NLRC3: variants seen among roughly 807,000 people sequenced by gnomAD.
NLRC3 encodes the protein NLR family CARD domain containing 3.
In NLRC3, 87 loss-of-function variants were observed where a neutral mutation model predicts 91.6. The ratio of observed to expected loss-of-function variants is 0.95; its 90% confidence interval spans 0.80 to 1.14. The LOEUF is 1.14. NLRC3 is among the 50% of genes most tolerant of loss of function. The pLI is 0.00. For synonymous variants in NLRC3, 694 were observed against 625.3 expected (o/e 1.11, Z -1.64); for missense variants, 1,577 against 1,418.6 (o/e 1.11, Z -1.79).
Position 3,564,387 on chromosome 16 carries a change from T to C in NLRC3, c.550A>G (p.Thr184Ala), listed in dbSNP as rs765830253. Residue 184 changes from threonine (T) to alanine (A), a missense_variant, in exon 5 of 20, where the codon ACC becomes GCC. Coordinates refer to ENST00000359128, the MANE Select transcript of NLRC3 (RefSeq NM_178844.4). The surrounding 1 kb of genome is among the most constrained non-coding windows in gnomAD (Gnocchi z 5.9). ...VLPLTFRDLN[T>A]HEKLCADRLI... is the part of the protein sequence containing the mutation. ...CGGTCGGCACACAGCTTCTCGTGGGTGTTGAGATCCCGGAAGGTCAGAGGC... is the reference window on the plus strand; with the variant it reads ...CGGTCGGCACACAGCTTCTCGTGGGCGTTGAGATCCCGGAAGGTCAGAGGC... 6.2e-7 allele frequency: 1 copy of C among 1,612,244 alleles called. No individual in the cohort carries two copies. The highest frequency in any genetic ancestry group is 1.3e-5 in the African/African-American group (1 of 74,856).
Position 3,577,113 on chromosome 16 carries a change from C to T in NLRC3, c.-169+36G>A, listed in dbSNP as rs1166449146. ...TCCTGCCAGCATCCCTTCTCCCTCC[C>T]CTGCCCTGCACTGAGGTCACCTGGA... On this transcript the variant is annotated intron_variant, in intron 1 of 19. Coordinates refer to ENST00000359128, the MANE Select transcript of NLRC3 (RefSeq NM_178844.4). The T allele has an allele frequency of 8.5e-6, 6 of 703,110 alleles. No individual in the cohort carries two copies. The East Asian group carries it at 1.6e-4, about 19-fold the overall frequency. 43.6% of individuals were successfully genotyped at this position (703,110 alleles called of 1,614,324 possible).
In NLRC3 at chr16:3,541,759, G is replaced by A. The variant is rs2038404973; in HGVS notation, c.*66C>T. 9.2e-7 allele frequency: 1 copy of A among 1,083,952 alleles called. No homozygotes were observed. Among genetic ancestry groups the A allele is most frequent in the Non-Finnish European group, 1.4e-6 (1 of 717,748 alleles). The allele number at this position is 1,083,952 out of a possible 1,614,324, so 67.1% of individuals were successfully genotyped here. Reference sequence around the variant, plus strand: ...CAGCTCCCAGACAGGCCCCCCAGAAGTCGGCCTTTCTGTTCAAAAGCTTCC... The same window carrying A: ...CAGCTCCCAGACAGGCCCCCCAGAAATCGGCCTTTCTGTTCAAAAGCTTCC... On this transcript the variant is annotated 3_prime_UTR_variant, in exon 20 of 20. Coordinates refer to ENST00000359128, the MANE Select transcript of NLRC3 (RefSeq NM_178844.4).
At chr16:3,566,848 G>T (rs951604487) in intron 2 of NLRC3, among the ~76,000 whole-genome samples, 1 of 152,158 alleles carries the variant, frequency 6.6e-6, no homozygotes, top group Admixed American at 6.6e-5. Flanking sequence ...CTGAGATTGC[G>T]CCACTGCACT....
At chr16:3,552,058 C>G (rs2039043964) in intron 10 of NLRC3, 138 bp downstream of exon 10, 2 of 625,148 alleles carry the variant, frequency 3.2e-6, no homozygotes, top group Non-Finnish European at 5.8e-6. Flanking sequence ...GTCACCCATC[C>G]ATCCATCCAC....
chr16:3,552,991 C>T (rs1181449061), intron 9 of NLRC3, among the ~76,000 whole-genome samples: 1 of 152,154 alleles, frequency 6.6e-6, no homozygotes, highest in African/African-American at 2.4e-5. Context: ...TTAGGTTCCT[C>T]TTCTGAAAAA....
chr16:3,564,553 G>A lies in NLRC3; in HGVS notation c.384C>T (p.Phe128=), dbSNP rs1238829951. 5.0e-5 allele frequency: 81 copies of A among 1,611,860 alleles called. No homozygotes were observed. The highest frequency in any genetic ancestry group is 6.4e-5 in the Non-Finnish European group (76 of 1,179,640). The change falls in exon 5 of 20, where the codon TTC becomes TTT. Residue 128 remains phenylalanine, a synonymous_variant. Transcript: ENST00000359128. This position sits in a 1 kb window ranked among gnomAD's most constrained non-coding sequence, Gnocchi z 5.9. ...PARTVALDRL[F]LPLSRVSVPP... ...GGACAGACACCCGGGAGAGAGGCAG[G>A]AAGAGCCGGTCCAGGGCGACGGTCC...
Position 3,564,890 on chromosome 16 carries a change from T to G in NLRC3, c.147A>C (p.Thr49=). The G allele has an allele frequency of 6.2e-7, 1 of 1,609,292 alleles. No individual in the cohort carries two copies. The highest frequency in any genetic ancestry group is 8.5e-7 in the Non-Finnish European group (1 of 1,179,220). Residue 49 remains threonine, a synonymous_variant, in exon 4 of 20, where the codon ACA becomes ACC. Transcript: ENST00000359128. The surrounding 1 kb of genome is among the most constrained non-coding windows in gnomAD (Gnocchi z 5.9). Reference sequence around the variant, plus strand: ...TGCAGGGCCCCAGCGGGGCATCCGGTGTCCTATCCAGGGCCTGCGGGGCCT... The same window carrying G: ...TGCAGGGCCCCAGCGGGGCATCCGGGGTCCTATCCAGGGCCTGCGGGGCCT... ...GSQAPQALDR[T]PDAPLGPCSN... is the part of the protein sequence containing the mutation.
chr16:3,570,116 T>C (rs548566801), intron 1 of NLRC3, among the ~76,000 whole-genome samples: 6 of 152,212 alleles, frequency 3.9e-5, no homozygotes, highest in Middle Eastern at 3.4e-3. Context: ...AATTCCTCAC[T>C]GACACCAGTG....
intron 7 of NLRC3, 58 bp downstream of exon 7, chr16:3,557,535 G>A (rs1425127085): frequency 1.9e-6 from 2 of 1,044,030 alleles, no homozygotes; most frequent in East Asian, 2.4e-5. Flanking sequence ...TTCACAAGAT[G>A]CCTCACAACT....
In NLRC3 at chr16:3,541,884, C is replaced by T. The variant is rs1567454407; in HGVS notation, c.3139G>A (p.Ala1047Thr). 1 of 1,611,622 alleles carries T rather than the reference C, an allele frequency of 6.2e-7. No homozygotes were observed. Among genetic ancestry groups the T allele is most frequent in the Non-Finnish European group, 8.5e-7 (1 of 1,178,398 alleles). Residue 1047 changes from alanine to threonine, a missense_variant, in exon 20 of 20, where the codon GCC becomes ACC. Transcript: ENST00000359128. ...LQGNHIGDSG[A>T]RMISEAIKTN... ...TTGATGGCCTCTGAGATCATCCTGG[C>T]CCCGGAGTCCCCAATGTGGTTTCCC... is the stretch of plus-strand genomic sequence containing the variant.
chr16:3,546,772 C>A (rs2038714250), intron 15 of NLRC3, among the ~76,000 whole-genome samples: 1 of 152,048 alleles, frequency 6.6e-6, no homozygotes, highest in Non-Finnish European at 1.5e-5. Flanking sequence ...AGGGCTGGGA[C>A]ACGGACGTGG....
chr16:3,571,228 A>G (rs758306748), intron 1 of NLRC3, among the ~76,000 whole-genome samples: 2 of 152,206 alleles, frequency 1.3e-5, no homozygotes, highest in South Asian at 4.1e-4. Flanking sequence ...TTTCAGGTCA[A>G]TTAAGGAGTT....
intron 8 of NLRC3, among the ~76,000 whole-genome samples, chr16:3,554,842 C>T (rs181351829): frequency 1.4e-4 from 21 of 152,258 alleles, no homozygotes; most frequent in Admixed American, 9.2e-4. Flanking sequence ...ATTCATATAA[C>T]CAAAAGGTGG....
At chr16:3,552,132 T>C in intron 10 of NLRC3, 64 bp downstream of exon 10, 1 of 960,310 alleles carries the variant, frequency 1.0e-6, no homozygotes, top group South Asian at 1.3e-5. Flanking sequence ...CACAAATATT[T>C]GTGCTGGGTT....
chr16:3,544,185 C>G, intron 16 of NLRC3, 61 bp downstream of exon 16: 1 of 915,426 alleles, frequency 1.1e-6, no homozygotes, highest in Non-Finnish European at 1.8e-6. Context: ...AAAAAGACCT[C>G]TAACGTGAAA....
intron 11 of NLRC3, 37 bp downstream of exon 11, chr16:3,550,377 A>C (rs748319445): frequency 1.4e-6 from 2 of 1,414,858 alleles, no homozygotes; most frequent in Non-Finnish European, 2.0e-6. Context: ...TGGAAAGAGA[A>C]CCCAGGGGGA....
intron 5 of NLRC3, chr16:3,562,803 A>G (rs2039668610): frequency 3.0e-6 from 2 of 677,874 alleles, no homozygotes; most frequent in Admixed American, 2.1e-5. Flanking sequence ...CAGAGAGCGC[A>G]TGGCCCTCCT....
At position 3,564,231 on chromosome 16, in the gene NLRC3, A is replaced by G; in HGVS notation, c.706T>C (p.Cys236Arg). The change falls in exon 5 of 20, where the codon TGC becomes CGC. Residue 236 changes from cysteine (C) to arginine (R), a missense_variant. Coordinates refer to ENST00000359128, the MANE Select transcript of NLRC3 (RefSeq NM_178844.4). This position sits in a 1 kb window ranked among gnomAD's most constrained non-coding sequence, Gnocchi z 5.9. ...GGGATCTCCTTCTTTGGGTCCGTGCAGGCCACGGTGTTGGAGAAGTCCAGA... is the reference window on the plus strand; with the variant it reads ...GGGATCTCCTTCTTTGGGTCCGTGCGGGCCACGGTGTTGGAGAAGTCCAGA... Reference protein sequence around the residue: ...TPLDFSNTVACTDPKKEIPVD... With the variant: ...TPLDFSNTVARTDPKKEIPVD... 4.3e-6 allele frequency: 7 copies of G among 1,613,202 alleles called. No individual in the cohort carries two copies. The highest frequency in any genetic ancestry group is 5.9e-6 in the Non-Finnish European group (7 of 1,179,856).
intron 10 of NLRC3, 110 bp downstream of exon 10, chr16:3,552,086 C>G (rs1229956066): frequency 1.4e-6 from 1 of 713,802 alleles, no homozygotes; most frequent in East Asian, 2.7e-5. Context: ...TCCATCCATT[C>G]ACCTATCCAT....
Sources: allele counts gnomAD v4.1 joint callset (sites outside exome capture counted in the v4.1 genomes callset), GRCh38; gene constraint gnomAD v4.1.1; non-coding constraint Gnocchi (gnomAD v3.1); transcripts MANE v1.5; gene names NCBI Gene and HGNC (gene_info 2026-07-23, HGNC 2026-07-21).